MDFIC2: variants seen among roughly 807,000 people sequenced by gnomAD.
MDFIC2 encodes the protein myoD family inhibitor domain-containing protein 2.
At chr3:70,215,416 T>G (rs940300202) in intron 2 of MDFIC2, among the ~76,000 whole-genome samples, 3 of 152,108 alleles carry the variant, frequency 2.0e-5, no homozygotes, top group African/African-American at 7.2e-5. Context: ...GACTTACCCC[T>G]CTCCAGGTTA....
intron 2 of MDFIC2, among the ~76,000 whole-genome samples, chr3:70,237,977 A>ATGTTTTTTTTTTTTTT (rs1251005797): frequency 7.7e-5 from 1 of 13,008 alleles, no homozygotes; most frequent in Non-Finnish European, 1.4e-4. Context: ...ATTGAGTGGT[A>ATGTTTTTTTTTTTTTT]TCTTTTTTTT....
chr3:70,228,670 T>C (rs1378027071), intron 2 of MDFIC2, among the ~76,000 whole-genome samples: 8 of 151,776 alleles, frequency 5.3e-5, no homozygotes, highest in Non-Finnish European at 5.9e-5. Flanking sequence ...ATGTTAAAAA[T>C]TGAAAACAAA....
At chr3:70,298,263 T>G (rs779979195) in intron 2 of MDFIC2, among the ~76,000 whole-genome samples, 5 of 152,112 alleles carry the variant, frequency 3.3e-5, no homozygotes, top group Non-Finnish European at 2.9e-5. Flanking sequence ...CTGGAGTTAT[T>G]TTTTCCCCAC....
At chr3:70,290,846 C>G (rs1187137910) in intron 2 of MDFIC2, among the ~76,000 whole-genome samples, 1 of 152,160 alleles carries the variant, frequency 6.6e-6, no homozygotes, top group Non-Finnish European at 1.5e-5. Flanking sequence ...TCACCCCTTT[C>G]TTTGACTAGG....
intron 2 of MDFIC2, among the ~76,000 whole-genome samples, chr3:70,304,543 CG>C (rs1362664922): frequency 4.6e-5 from 7 of 152,110 alleles, no homozygotes; most frequent in African/African-American, 1.7e-4. Context: ...TTTCTAAAGC[CG>C]GGGGTCAGCC....
intron 2 of MDFIC2, among the ~76,000 whole-genome samples, chr3:70,238,247 T>G (rs1006359296): frequency 6.6e-6 from 1 of 151,896 alleles, no homozygotes; most frequent in Admixed American, 6.6e-5. Flanking sequence ...AGTTCTCTCC[T>G]TCTATGTAAG....
At chr3:70,291,845 G>T (rs1385765747) in intron 2 of MDFIC2, 1 of 152,164 alleles carries the variant, frequency 6.6e-6, no homozygotes, top group Non-Finnish European at 1.5e-5. Context: ...GCTGTCTGGT[G>T]ATCTTATCTT....
intron 2 of MDFIC2, among the ~76,000 whole-genome samples, chr3:70,289,651 G>T (rs1397858871): frequency 2.0e-5 from 3 of 151,758 alleles, no homozygotes; most frequent in Non-Finnish European, 2.9e-5. Context: ...ATCCTGCAGA[G>T]TGTTTTCCAA....
intron 2 of MDFIC2, among the ~76,000 whole-genome samples, chr3:70,299,761 A>G (rs1702328855): frequency 6.6e-6 from 1 of 152,118 alleles, no homozygotes; most frequent in African/African-American, 2.4e-5. Context: ...TCTTTTCTAA[A>G]GCACAGAGCT....
At chr3:70,198,760 C>T (rs1701206061) in intron 3 of MDFIC2, among the ~76,000 whole-genome samples, 1 of 152,164 alleles carries the variant, frequency 6.6e-6, no homozygotes, top group Non-Finnish European at 1.5e-5. Context: ...AATACCTCTA[C>T]TGTGTACAAA....
chr3:70,204,263 C>T (rs562772152), intron 3 of MDFIC2, among the ~76,000 whole-genome samples: 10 of 152,228 alleles, frequency 6.6e-5, no homozygotes, highest in Admixed American at 5.2e-4. Context: ...CCCTGCTGTT[C>T]CTGAAAGATA....
chr3:70,272,660 A>G (rs1701985890), intron 2 of MDFIC2, among the ~76,000 whole-genome samples: 1 of 152,168 alleles, frequency 6.6e-6, no homozygotes, highest in African/African-American at 2.4e-5. Flanking sequence ...TGTATGTTTA[A>G]CTTTATAAAA....
At chr3:70,295,381 T>C (rs1005307930) in intron 2 of MDFIC2, among the ~76,000 whole-genome samples, 1 of 152,130 alleles carries the variant, frequency 6.6e-6, no homozygotes, top group Non-Finnish European at 1.5e-5. Context: ...ACTCAACCCT[T>C]TGACTGAATT....
intron 2 of MDFIC2, among the ~76,000 whole-genome samples, chr3:70,219,315 A>G (rs1330744672): frequency 6.6e-6 from 1 of 152,204 alleles, no homozygotes; most frequent in Non-Finnish European, 1.5e-5. Flanking sequence ...TGCTGAAAGT[A>G]GAATGGAATT....
intron 2 of MDFIC2, among the ~76,000 whole-genome samples, chr3:70,286,334 G>A (rs1367906356): frequency 6.6e-6 from 1 of 152,072 alleles, no homozygotes; most frequent in African/African-American, 2.4e-5. Flanking sequence ...CCCATTTCTT[G>A]TTTTTGTCAG....
At chr3:70,232,494 G>T (rs932757022) in intron 2 of MDFIC2, among the ~76,000 whole-genome samples, 17 of 151,802 alleles carry the variant, frequency 1.1e-4, no homozygotes, top group African/African-American at 4.1e-4. Flanking sequence ...CCGACTCCCG[G>T]GTTCAAGTGA....
intron 2 of MDFIC2, among the ~76,000 whole-genome samples, chr3:70,245,214 A>G (rs1701695544): frequency 6.6e-6 from 1 of 152,140 alleles, no homozygotes; most frequent in African/African-American, 2.4e-5. Flanking sequence ...GCATTTTTAA[A>G]AGAGTTTTTT....
intron 2 of MDFIC2, among the ~76,000 whole-genome samples, chr3:70,303,186 G>C (rs913688695): frequency 2.0e-5 from 3 of 152,086 alleles, no homozygotes; most frequent in African/African-American, 4.8e-5. Flanking sequence ...CTGGCTCTTA[G>C]AGTAGACATT....
rs1457037563 is a variant in MDFIC2 at position 70,206,810 on chromosome 3, A to G, written c.89-20T>C. ...GCGTATCTAGAGGAAAAAAGAAAAA[A>G]CACATACAGAAACCCACTATGGTTT... On this transcript the variant is annotated intron_variant, in intron 2 of 3. Transcript: ENST00000567252. 4 of 397,242 alleles carry G rather than the reference A, an allele frequency of 1.0e-5. No individual in the cohort carries two copies. The highest frequency in any genetic ancestry group is 1.8e-5 in the Non-Finnish European group (4 of 225,214). The allele number at this position is 397,242 out of a possible 1,614,324, so 24.6% of individuals were successfully genotyped here.
Sources: gnomAD v4.1 joint callset for allele counts (sites outside exome capture counted in the v4.1 genomes callset) on GRCh38, gnomAD v4.1.1 for gene constraint, MANE v1.5 for transcripts, NCBI Gene and HGNC (gene_info 2026-07-23, HGNC 2026-07-21) for gene names.